Variants in KIFAP3 observed in about 807,000 individuals in gnomAD.
KIFAP3 encodes the protein kinesin-associated protein 3.
A neutral mutation model predicts 106.5 loss-of-function variants in KIFAP3; 68 were observed. That is an observed-to-expected ratio of 0.64 (90% confidence interval 0.53 to 0.78). The LOEUF is 0.78. Among genes scored for constraint, KIFAP3 ranks in the 30% least tolerant of loss-of-function variants. The probability of loss-of-function intolerance (pLI) is 0.00; values close to 1 mark genes in which losing one functional copy is unlikely to be tolerated. For synonymous variants in KIFAP3, 320 were observed against 311.5 expected (o/e 1.03, Z -0.29); for missense variants, 780 against 941.8 (o/e 0.83, Z 2.25).
chr1:170,028,972 C>T (rs1557848613), intron 8 of KIFAP3, among the ~76,000 whole-genome samples: 1 of 151,954 alleles, frequency 6.6e-6, no homozygotes, highest in Non-Finnish European at 1.5e-5. Context: ...CACAAACATG[C>T]AAAGCCAATC....
chr1:170,035,599 G>T, intron 5 of KIFAP3, 46 bp from the exon 6 acceptor site: 1 of 1,164,794 alleles, frequency 8.6e-7, no homozygotes, highest in Non-Finnish European at 1.2e-6. Context: ...TCCTTGCTCT[G>T]GTATAAAGGG....
chr1:170,046,342 A>G lies in KIFAP3; in HGVS notation c.319+370T>C, dbSNP rs368454232. On this transcript the variant is annotated intron_variant, in intron 3 of 19. Coordinates refer to ENST00000361580, the MANE Select transcript of KIFAP3 (RefSeq NM_014970.4). ...ATCCAAATGATAAACAAATATAAAA[A>G]AGAAGTTTATAAAACATCAGTCTAG... Among the ~76,000 whole-genome samples, 43 of 152,230 alleles carry G rather than the reference A, an allele frequency of 2.8e-4. No individual in the cohort carries two copies. In the South Asian group the frequency reaches 8.7e-3, roughly 31 times the overall value.
At chr1:169,930,200 T>A (rs1183760729) in intron 19 of KIFAP3, among the ~76,000 whole-genome samples, 1 of 152,222 alleles carries the variant, frequency 6.6e-6, no homozygotes, top group Non-Finnish European at 1.5e-5. Context: ...TTTACTTTTT[T>A]ATTACATTTT....
At chr1:170,014,066 G>A (rs970114713) in intron 10 of KIFAP3, among the ~76,000 whole-genome samples, 2 of 151,916 alleles carry the variant, frequency 1.3e-5, no homozygotes, top group Admixed American at 6.6e-5. Flanking sequence ...CCTCATACTG[G>A]ACATACTACA....
intron 14 of KIFAP3, among the ~76,000 whole-genome samples, 178 bp downstream of exon 14, chr1:169,982,524 A>C (rs917484674): frequency 6.6e-6 from 1 of 152,142 alleles, no homozygotes; most frequent in Non-Finnish European, 1.5e-5. Context: ...CTTTTAGGAA[A>C]AAGAGAACAT....
At chr1:169,969,872 G>C (rs1665816059) in intron 17 of KIFAP3, among the ~76,000 whole-genome samples, 1 of 151,908 alleles carries the variant, frequency 6.6e-6, no homozygotes, top group Non-Finnish European at 1.5e-5. Context: ...TTATATTAAG[G>C]AACTTTGTAT....
chr1:169,992,610 AGTG>A (rs1186876886), intron 10 of KIFAP3, among the ~76,000 whole-genome samples: 1 of 152,184 alleles, frequency 6.6e-6, no homozygotes, highest in Non-Finnish European at 1.5e-5. Flanking sequence ...ATTCATTGAC[AGTG>A]GTGATGTTTA....
intron 19 of KIFAP3, among the ~76,000 whole-genome samples, chr1:169,922,489 T>C (rs536224885): frequency 2.0e-5 from 3 of 152,276 alleles, no homozygotes; most frequent in African/African-American, 7.2e-5. Context: ...ACCTTCAGAG[T>C]TGTAAAGATA....
chr1:170,004,001 C>T (rs1405264687), intron 10 of KIFAP3, among the ~76,000 whole-genome samples: 1 of 152,156 alleles, frequency 6.6e-6, no homozygotes, highest in African/African-American at 2.4e-5. Flanking sequence ...TGATAAGCAA[C>T]TTCAGCAAAG....
Position 170,048,299 on chromosome 1 carries a change from G to GA in KIFAP3, c.165-1434_165-1433insT, listed in dbSNP as rs1255865855. The stretch of plus-strand genomic sequence containing the variant: ...TGTCCCTTTATTTCTTCCTTATTTG[G>GA]GTTTTTTTTTTTTTGGTTCCTACCT... On this transcript the variant is annotated intron_variant, in intron 2 of 19. Transcript: ENST00000361580. 2.6e-3 allele frequency among the ~76,000 whole-genome samples: 360 copies of GA among 139,840 alleles called. 1 individual carries two copies. Among genetic ancestry groups the GA allele is most frequent in the East Asian group, 6.6e-3 (32 of 4,866 alleles). The allele number at this position is 139,840 out of a possible 152,430, so 91.7% of individuals were successfully genotyped here. A position where few individuals can be genotyped will look rare whatever the true frequency, so the allele number is the denominator to read the frequency against.
At position 170,074,500 on chromosome 1, in the gene KIFAP3, G is replaced by T. The variant is rs750121886; in HGVS notation, c.-33C>A. The T allele has an allele frequency of 1.2e-6, 2 of 1,613,838 alleles. No individual in the cohort carries two copies. The highest frequency in any genetic ancestry group is 1.7e-5 in the Admixed American group (1 of 60,008). ...GCGGCAGCGGCGTGGAGAGGATGGGGTATCTTGAGAGGCAGGCGCGGTTAT... is the reference window on the plus strand; with the variant it reads ...GCGGCAGCGGCGTGGAGAGGATGGGTTATCTTGAGAGGCAGGCGCGGTTAT... On this transcript the variant is annotated 5_prime_UTR_variant, in exon 1 of 20. Coordinates refer to ENST00000361580, the MANE Select transcript of KIFAP3 (RefSeq NM_014970.4).
intron 18 of KIFAP3, 130 bp downstream of exon 18, chr1:169,960,916 C>G (rs780197731): frequency 1.6e-6 from 1 of 628,448 alleles, no homozygotes; most frequent in Non-Finnish European, 2.6e-6. Flanking sequence ...GACGTTACAT[C>G]TAAAATCATT....
intron 19 of KIFAP3, among the ~76,000 whole-genome samples, chr1:169,942,405 A>G: frequency 6.6e-6 from 1 of 152,162 alleles, no homozygotes; most frequent in East Asian, 1.9e-4. Flanking sequence ...TTCTCCTCTT[A>G]GTTTATTCAC....
Position 170,000,366 on chromosome 1 carries a change from C to G in KIFAP3, c.1184-8111G>C, listed in dbSNP as rs185623203. Among the ~76,000 whole-genome samples, 9 of 152,226 alleles carry G rather than the reference C, an allele frequency of 5.9e-5. No homozygotes were observed. In the East Asian group the frequency reaches 1.7e-3, roughly 29 times the overall value. ...GATAATAGAAGTGGGAATATAAGCA[C>G]ACCTATATTAGGATAGAATAGCATT... On this transcript the variant is annotated intron_variant, in intron 10 of 19. Transcript: ENST00000361580.
chr1:170,032,325 T>C (rs1037781602), intron 7 of KIFAP3: 1 of 163,390 alleles, frequency 6.1e-6, no homozygotes. Flanking sequence ...TTTCAACAGA[T>C]TATCAAGTGG....
At position 169,957,804 on chromosome 1, in the gene KIFAP3, T is replaced by G. The variant is rs541381754; in HGVS notation, c.2173+3242A>C. ...ATCACATCTGGCTAATTTTTGTATT[T>G]TCAGTAGAGACGGGGTTTCACCATG... On this transcript the variant is annotated intron_variant, in intron 18 of 19. Coordinates refer to ENST00000361580, the MANE Select transcript of KIFAP3 (RefSeq NM_014970.4). The G allele has an allele frequency of 3.9e-5, 6 of 152,344 alleles. No individual in the cohort carries two copies. In the East Asian group the frequency reaches 9.7e-4, roughly 25 times the overall value. The allele number at this position is 152,344 out of a possible 1,614,324, so 9.4% of individuals were successfully genotyped here.
chr1:169,940,025 C>T (rs930073639), intron 19 of KIFAP3, among the ~76,000 whole-genome samples: 2 of 152,040 alleles, frequency 1.3e-5, no homozygotes, highest in African/African-American at 2.4e-5. Flanking sequence ...TATATGTTGA[C>T]AGGAATGATC....
At chr1:170,081,415 A>C (rs1672018892) in intron 1 of KIFAP3, among the ~76,000 whole-genome samples, 1 of 152,196 alleles carries the variant, frequency 6.6e-6, no homozygotes, top group Non-Finnish European at 1.5e-5. Flanking sequence ...CTAAAACTTA[A>C]ATTTATTGTC....
At chr1:170,016,423 A>G (rs1177294274) in intron 10 of KIFAP3, 39 bp downstream of exon 10, 5 of 1,545,524 alleles carry the variant, frequency 3.2e-6, no homozygotes, top group Middle Eastern at 1.7e-4. Context: ...GATGTTGGAA[A>G]TTCCAGACAA....
Sources: allele counts gnomAD v4.1 joint callset (sites outside exome capture counted in the v4.1 genomes callset), GRCh38; gene constraint gnomAD v4.1.1; transcripts MANE v1.5; gene names NCBI Gene and HGNC (gene_info 2026-07-23, HGNC 2026-07-21).